Variants in ZNF804B observed in about 807,000 individuals in gnomAD.
ZNF804B encodes zinc finger protein 804B.
A neutral mutation model predicts 101.4 loss-of-function variants in ZNF804B; 80 were observed. The ratio of observed to expected loss-of-function variants is 0.79; its 90% CI spans 0.66 to 0.95. The LOEUF is 0.95. Ranked by LOEUF, ZNF804B falls within the 40% of genes least tolerant of loss-of-function variation. The pLI is 0.00. For missense variants in ZNF804B, 1,673 were observed against 1,561.9 expected (o/e 1.07, Z -1.20); for synonymous variants, 622 against 558.8 (o/e 1.11, Z -1.59).
At chr7:89,270,693 C>T (rs1789879180) in intron 2 of ZNF804B, among the ~76,000 whole-genome samples, 1 of 152,160 alleles carries the variant, frequency 6.6e-6, no homozygotes, top group Non-Finnish European at 1.5e-5. Context: ...TCTTCCTATC[C>T]ATGAGCATGG....
At chr7:88,903,195 G>A (rs1225926785) in intron 1 of ZNF804B, among the ~76,000 whole-genome samples, 1 of 151,488 alleles carries the variant, frequency 6.6e-6, no homozygotes, top group East Asian at 1.9e-4. Context: ...AGAAAATGTG[G>A]TAGTTGCTTT....
chr7:89,324,455 A>G lies in ZNF804B; in HGVS notation c.250-2889A>G, dbSNP rs369088498. 1.3e-4 allele frequency among the ~76,000 whole-genome samples: 19 copies of G among 151,912 alleles called. No individual in the cohort carries two copies. The South Asian group carries it at 3.9e-3, about 31-fold the overall frequency. ...AAAAGCTTGTTTGTGTAGTCAACAG[A>G]GTTGACCTCACGCTTTTATCCAAAT... On this transcript the variant is annotated intron_variant, in intron 2 of 3. Coordinates refer to ENST00000333190, the MANE Select transcript of ZNF804B (RefSeq NM_181646.5).
chr7:88,830,158 A>G (rs190467079), intron 1 of ZNF804B, among the ~76,000 whole-genome samples: 1 of 152,270 alleles, frequency 6.6e-6, no homozygotes, highest in African/African-American at 2.4e-5. Context: ...AAACCAAATC[A>G]TACTCAATTA....
chr7:89,164,168 A>C (rs1791109087), intron 1 of ZNF804B, among the ~76,000 whole-genome samples: 2 of 152,138 alleles, frequency 1.3e-5, no homozygotes, highest in Admixed American at 1.3e-4. Flanking sequence ...CCTTATTAGC[A>C]TGTAAGTGAC....
At chr7:89,118,067 A>G (rs1183098895) in intron 1 of ZNF804B, among the ~76,000 whole-genome samples, 1 of 152,190 alleles carries the variant, frequency 6.6e-6, no homozygotes, top group Non-Finnish European at 1.5e-5. Context: ...AGGAACAGCT[A>G]ATCTTAGACC....
At chr7:88,807,840 C>T (rs1179823052) in intron 1 of ZNF804B, among the ~76,000 whole-genome samples, 8 of 152,188 alleles carry the variant, frequency 5.3e-5, no homozygotes, top group African/African-American at 1.9e-4. Flanking sequence ...TTTCTGCCCT[C>T]AGGAAAGTAT....
chr7:89,281,312 C>A (rs1347315900), intron 2 of ZNF804B, among the ~76,000 whole-genome samples: 2 of 152,090 alleles, frequency 1.3e-5, no homozygotes, highest in Non-Finnish European at 2.9e-5. Context: ...GAGAGTCTTA[C>A]AAATTTTGAA....
At chr7:88,943,014 G>A (rs1793077046) in intron 1 of ZNF804B, among the ~76,000 whole-genome samples, 2 of 151,848 alleles carry the variant, frequency 1.3e-5, no homozygotes, top group African/African-American at 4.8e-5. Flanking sequence ...GGTGTGACTT[G>A]TCATGCATGC....
chr7:89,210,917 T>G (rs2115677667), intron 1 of ZNF804B, among the ~76,000 whole-genome samples: 1 of 152,350 alleles, frequency 6.6e-6, no homozygotes, highest in East Asian at 1.9e-4. Flanking sequence ...GATGAATTAC[T>G]ACACTGTTTT....
At chr7:89,283,297 TA>T (rs1790127961) in intron 2 of ZNF804B, among the ~76,000 whole-genome samples, 1 of 152,090 alleles carries the variant, frequency 6.6e-6, no homozygotes. Flanking sequence ...TGAGAAGCAT[TA>T]AAAAAAGAGA....
intron 1 of ZNF804B, among the ~76,000 whole-genome samples, chr7:89,084,888 G>T (rs1789765853): frequency 6.6e-6 from 1 of 151,584 alleles, no homozygotes; most frequent in Non-Finnish European, 1.5e-5. Flanking sequence ...TTTATTACTG[G>T]TTTCTAATAA....
At chr7:89,331,626 T>C (rs1034827287) in intron 3 of ZNF804B, among the ~76,000 whole-genome samples, 3 of 151,690 alleles carry the variant, frequency 2.0e-5, no homozygotes, top group Non-Finnish European at 3.0e-5. Context: ...TCTAAAATCA[T>C]TAAAAGCTAA....
chr7:89,335,813 T>C lies in ZNF804B; in HGVS notation c.2831T>C (p.Val944Ala), dbSNP rs372124438. ...AKKCQEQSSN[V>A]EISSNSCKSE... Reference sequence around the variant, plus strand: ...AAATGTCAAGAACAATCAAGTAATGTTGAGATCTCTTCAAACAGTTGTAAA... The same window carrying C: ...AAATGTCAAGAACAATCAAGTAATGCTGAGATCTCTTCAAACAGTTGTAAA... The change falls in exon 4 of 4, where the codon GTT (valine) becomes GCT (alanine). Residue 944 changes from valine (V) to alanine (A), a missense_variant. Physicochemically the swap from Val to Ala is moderately conservative, Grantham distance 64. Coordinates refer to ENST00000333190, the MANE Select transcript of ZNF804B (RefSeq NM_181646.5). 1 of 1,613,956 alleles carries C rather than the reference T, an allele frequency of 6.2e-7. No homozygotes were observed. The highest frequency in any genetic ancestry group is 8.5e-7 in the Non-Finnish European group (1 of 1,179,984).
intron 1 of ZNF804B, among the ~76,000 whole-genome samples, chr7:88,861,316 A>G (rs903934878): frequency 3.3e-5 from 5 of 152,154 alleles, no homozygotes; most frequent in Admixed American, 6.6e-5. Flanking sequence ...CATGGAATTA[A>G]AGAAAAAGAT....
intron 1 of ZNF804B, among the ~76,000 whole-genome samples, chr7:88,858,258 G>A (rs555243300): frequency 2.0e-5 from 3 of 152,174 alleles, no homozygotes; most frequent in South Asian, 4.1e-4. Flanking sequence ...TACTTTCCTA[G>A]TTTCCTTTCT....
chr7:89,176,266 C>T (rs761029754), intron 1 of ZNF804B, among the ~76,000 whole-genome samples: 30 of 151,956 alleles, frequency 2.0e-4, no homozygotes, highest in Middle Eastern at 3.4e-3. Flanking sequence ...ATGTTCATTC[C>T]ATACCCAGTT....
At chr7:88,868,064 T>A (rs1395679129) in intron 1 of ZNF804B, among the ~76,000 whole-genome samples, 2 of 151,676 alleles carry the variant, frequency 1.3e-5, no homozygotes, top group Non-Finnish European at 2.9e-5. Flanking sequence ...TGTGTGTGTG[T>A]GTGTGTGTGT....
intron 1 of ZNF804B, among the ~76,000 whole-genome samples, chr7:89,179,252 A>C (rs1448338970): frequency 3.3e-5 from 5 of 151,638 alleles, no homozygotes; most frequent in African/African-American, 1.2e-4. Flanking sequence ...TAAACTTTCT[A>C]CTCCAATCTC....
chr7:89,239,423 C>G (rs143477081), intron 2 of ZNF804B, among the ~76,000 whole-genome samples: 215 of 152,252 alleles, frequency 1.4e-3, no homozygotes, highest in African/African-American at 4.9e-3. Context: ...CCTGCTTTTT[C>G]TTCAGCTTTT....
Sources: allele counts gnomAD v4.1 joint callset (sites outside exome capture counted in the v4.1 genomes callset), GRCh38; gene constraint gnomAD v4.1.1; transcripts MANE v1.5; gene names NCBI Gene and HGNC (gene_info 2026-07-23, HGNC 2026-07-21).